NAT1: variants seen among roughly 807,000 people sequenced by gnomAD.
The protein encoded by NAT1 is N-acetyltransferase 1.
For missense variants in NAT1, 400 were observed against 339.2 expected (o/e 1.18, Z -1.41); for synonymous variants, 144 against 122.6 (o/e 1.17, Z -1.16).
chr8:18,180,770 A>G (rs1414301258), intron 2 of NAT1, among the ~76,000 whole-genome samples: 2 of 152,186 alleles, frequency 1.3e-5, no homozygotes, highest in African/African-American at 4.8e-5. Flanking sequence ...TACCTCATAA[A>G]TATATGTAAT....
chr8:18,188,658 T>G (rs986708942), intron 2 of NAT1, among the ~76,000 whole-genome samples: 1 of 151,884 alleles, frequency 6.6e-6, no homozygotes, highest in Non-Finnish European at 1.5e-5. Flanking sequence ...CTTTTTTAAA[T>G]GAAATTTAAT....
At chr8:18,210,404 TTA>T (rs1398087701) in intron 1 of NAT1, among the ~76,000 whole-genome samples, 1 of 152,216 alleles carries the variant, frequency 6.6e-6, no homozygotes, top group Non-Finnish European at 1.5e-5. Context: ...CACAGCCACT[TTA>T]TAGCTGTGAG....
intron 2 of NAT1, among the ~76,000 whole-genome samples, chr8:18,172,306 C>T (rs1272516821): frequency 6.6e-6 from 1 of 152,176 alleles, no homozygotes; most frequent in Non-Finnish European, 1.5e-5. Flanking sequence ...TTAACTGCTT[C>T]TACCTCCCGA....
At chr8:18,196,169 CA>C (rs1168123516) in intron 2 of NAT1, among the ~76,000 whole-genome samples, 2 of 151,884 alleles carry the variant, frequency 1.3e-5, no homozygotes, top group Admixed American at 6.6e-5. Context: ...AGGCTGGTCT[CA>C]AACTCCTGAT....
In NAT1 at chr8:18,213,365, A is replaced by T. The variant is rs187355471; in HGVS notation, c.-86+3185A>T. 1.8e-3 allele frequency among the ~76,000 whole-genome samples: 279 copies of T among 152,244 alleles called. 2 individuals are homozygous for T. Among genetic ancestry groups the T allele is most frequent in the African/African-American group, 6.4e-3 (264 of 41,534 alleles). ...ATTATACCTAGATACATCTTGCCTT[A>T]ACATTTCAATAATTTAACCAGAATA... is the stretch of plus-strand genomic sequence containing the variant. On this transcript the variant is annotated intron_variant, in intron 1 of 2. Coordinates refer to ENST00000307719, the MANE Select transcript of NAT1 (RefSeq NM_000662.8).
At chr8:18,200,956 G>A (rs557911795) in intron 2 of NAT1, 1 of 152,242 alleles carries the variant, frequency 6.6e-6, no homozygotes, top group South Asian at 2.1e-4. Context: ...ATATAGTCTA[G>A]GCCATAGGTG....
chr8:18,211,198 G>A (rs535901747), intron 1 of NAT1: 1 of 152,230 alleles, frequency 6.6e-6, no homozygotes, highest in African/African-American at 2.4e-5. Flanking sequence ...GTCAGACCGA[G>A]AGCATCACCC....
intron 2 of NAT1, among the ~76,000 whole-genome samples, chr8:18,189,814 G>A (rs895714406): frequency 6.6e-6 from 1 of 152,078 alleles, no homozygotes; most frequent in Non-Finnish European, 1.5e-5. Context: ...TTTGTGACAA[G>A]AGTCTCACTC....
At chr8:18,191,247 AAT>A (rs1329908475) in intron 2 of NAT1, among the ~76,000 whole-genome samples, 1 of 152,162 alleles carries the variant, frequency 6.6e-6, no homozygotes. Context: ...GACTGAATTG[AAT>A]ATGTCTACAG....
intron 2 of NAT1, among the ~76,000 whole-genome samples, chr8:18,203,384 G>A (rs1232234417): frequency 1.3e-5 from 2 of 152,190 alleles, no homozygotes; most frequent in Admixed American, 6.5e-5. Context: ...AATCATCAGA[G>A]TTAAATATAA....
At chr8:18,177,734 A>T (rs17126314) in intron 2 of NAT1, among the ~76,000 whole-genome samples, 40,690 of 152,034 alleles carry the variant, frequency 0.27, 5,944 homozygotes, top group African/African-American at 0.37. Flanking sequence ...TGGAATCAGA[A>T]GAATAGAAGT....
intron 2 of NAT1, among the ~76,000 whole-genome samples, chr8:18,193,743 G>C (rs927489280): frequency 7.2e-6 from 1 of 139,160 alleles, no homozygotes; most frequent in Non-Finnish European, 1.5e-5. Flanking sequence ...CTGGGTTCAA[G>C]CGATTCTCCT....
At chr8:18,214,174 A>G (rs1167411324) in intron 1 of NAT1, among the ~76,000 whole-genome samples, 3 of 152,016 alleles carry the variant, frequency 2.0e-5, no homozygotes, top group East Asian at 1.9e-4. Context: ...CATAACTCTC[A>G]TAACTTTTCT....
intron 2 of NAT1, among the ~76,000 whole-genome samples, chr8:18,180,385 G>C (rs1802465808): frequency 6.6e-6 from 1 of 152,136 alleles, no homozygotes; most frequent in South Asian, 2.1e-4. Flanking sequence ...ATGCAAGCAG[G>C]TATGAAGCCT....
chr8:18,207,605 A>T (rs28741079), upstream of NAT1, among the ~76,000 whole-genome samples: 39 of 152,290 alleles, frequency 2.6e-4, 1 homozygote, highest in East Asian at 7.2e-3. Context: ...TTATTAAAAC[A>T]TCAAGAAAAA....
chr8:18,219,344 A>C, intron 1 of NAT1, 67 bp from the exon 2 acceptor site: 1 of 1,104,126 alleles, frequency 9.1e-7, no homozygotes, highest in Non-Finnish European at 1.3e-6. Flanking sequence ...ACGGTCTACA[A>C]AACTATTATT....
chr8:18,185,444 T>C (rs1802694980), intron 2 of NAT1, among the ~76,000 whole-genome samples: 2 of 152,156 alleles, frequency 1.3e-5, no homozygotes, highest in Admixed American at 6.5e-5. Flanking sequence ...ATAATACTGG[T>C]CATAATGTGG....
intron 1 of NAT1, among the ~76,000 whole-genome samples, chr8:18,215,103 G>T (rs1396341698): frequency 1.3e-5 from 2 of 151,996 alleles, no homozygotes; most frequent in Non-Finnish European, 2.9e-5. Flanking sequence ...GGGCATTTAG[G>T]TTGATTCTGT....
chr8:18,216,446 T>A (rs1333798037), intron 1 of NAT1, among the ~76,000 whole-genome samples: 1 of 152,186 alleles, frequency 6.6e-6, no homozygotes, highest in African/African-American at 2.4e-5. Flanking sequence ...GCAATCAATT[T>A]GGCTGCTTGA....
Sources: gnomAD v4.1 joint callset for allele counts (sites outside exome capture counted in the v4.1 genomes callset) on GRCh38, gnomAD v4.1.1 for gene constraint, MANE v1.5 for transcripts, NCBI Gene and HGNC (gene_info 2026-07-23, HGNC 2026-07-21) for gene names.